The following MFSD1 variants were observed in gnomAD, a reference collection of about 807,000 sequenced individuals.
The protein encoded by MFSD1 is major facilitator superfamily domain containing 1, also known as lysosomal dipeptide transporter MFSD1.
MFSD1 carries 59 observed loss-of-function variants against 67.1 expected under a neutral mutation model. The ratio of observed to expected loss-of-function variants is 0.88; its 90% confidence interval spans 0.71 to 1.09. The LOEUF (loss-of-function observed/expected upper bound fraction) is 1.09. Among genes scored for constraint, MFSD1 ranks in the 50% least tolerant of loss-of-function variants. The probability of loss-of-function intolerance (pLI) is 0.00; values close to 1 mark genes in which losing one functional copy is unlikely to be tolerated. For missense variants in MFSD1, 552 were observed against 566.1 expected, an observed-to-expected ratio of 0.97 and a Z score of 0.25; for synonymous variants, 213 against 200.3, an observed-to-expected ratio of 1.06 and a Z score of -0.54.
intron 9 of MFSD1, 46 bp downstream of exon 9, chr3:158,820,372 G>T: frequency 7.7e-7 from 1 of 1,295,968 alleles, no homozygotes; most frequent in South Asian, 1.2e-5. Flanking sequence ...AAATTATCAT[G>T]AGAGTTCAAT....
At chr3:158,807,998 C>T (rs1000182979) in intron 5 of MFSD1, among the ~76,000 whole-genome samples, 1 of 152,148 alleles carries the variant, frequency 6.6e-6, no homozygotes, top group Admixed American at 6.5e-5. Flanking sequence ...CCCTGAGGGA[C>T]CCAGATGACA....
At position 158,819,763 on chromosome 3, in the gene MFSD1, A is replaced by G. The variant is rs1347759021; in HGVS notation, c.751+16A>G. 1 of 1,425,990 alleles carries G rather than the reference A, an allele frequency of 7.0e-7. No homozygotes were observed. Among genetic ancestry groups the G allele is most frequent in the African/African-American group, 1.4e-5 (1 of 70,328 alleles). 88.3% of individuals were successfully genotyped at this position (1,425,990 alleles called of 1,614,324 possible). A position where few individuals can be genotyped will look rare whatever the true frequency, so the allele number is the denominator to read the frequency against. On this transcript the variant is annotated intron_variant, in intron 8 of 15. Coordinates refer to ENST00000415822, the MANE Select transcript of MFSD1 (RefSeq NM_022736.4). Reference sequence around the variant, plus strand: ...GGAAAAACAGGTAAGTCTAAATGAAAGAATGGGACTTAGGGGAATTACGGC... The same window carrying G: ...GGAAAAACAGGTAAGTCTAAATGAAGGAATGGGACTTAGGGGAATTACGGC...
At chr3:158,809,915 G>A (rs1729914696) in intron 6 of MFSD1, among the ~76,000 whole-genome samples, 1 of 152,164 alleles carries the variant, frequency 6.6e-6, no homozygotes, top group Non-Finnish European at 1.5e-5. Flanking sequence ...ATGCCTCTCT[G>A]AACTTATCTC....
rs767267007 is a variant in MFSD1 at position 158,819,728 on chromosome 3, T to C, written c.732T>C (p.His244=). ...YLDQRAERIL[H]KEQGKTGEVI... ...ATCAGAGAGCAGAGAGAATCCTTCATAAAGAACAAGGAAAAACAGGTAAGT... is the reference window on the plus strand; with the variant it reads ...ATCAGAGAGCAGAGAGAATCCTTCACAAAGAACAAGGAAAAACAGGTAAGT... Residue 244 remains histidine, a synonymous_variant, in exon 8 of 16, where the codon CAT becomes CAC. Coordinates refer to ENST00000415822, the MANE Select transcript of MFSD1 (RefSeq NM_022736.4). 3.1e-6 allele frequency: 5 copies of C among 1,606,456 alleles called. No homozygotes were observed. The highest frequency in any genetic ancestry group is 3.3e-4 in the Middle Eastern group (2 of 6,032).
rs1730709578 is a variant in MFSD1 at position 158,822,087 on chromosome 3, C to CT, written c.1026dup (p.Val343CysfsTer41). The CT allele has an allele frequency of 6.2e-7, 1 of 1,613,842 alleles. No homozygotes were observed. The highest frequency in any genetic ancestry group is 8.5e-7 in the Non-Finnish European group (1 of 1,179,910). ...GGTTCTTTGCGCAGTAGCAGCCACT[C>CT]TTGTGTCCCACATGATGCTGGCCTT... On this transcript the variant is annotated frameshift_variant, in exon 11 of 16. Coordinates refer to ENST00000415822, the MANE Select transcript of MFSD1 (RefSeq NM_022736.4). LOFTEE classifies it high-confidence loss of function.
In MFSD1 at chr3:158,802,258, C is replaced by G; in HGVS notation, c.106C>G (p.Pro36Ala). 1 of 1,611,476 alleles carries G rather than the reference C, an allele frequency of 6.2e-7. No individual in the cohort carries two copies. The highest frequency in any genetic ancestry group is 8.5e-7 in the Non-Finnish European group (1 of 1,178,684). ...APGALPALCD[P>A]SRLAHRLLVL... ...TGGAGCCCTGCCGGCCCTCTGCGACCCCAGTCGCCTGGCGCACCGGCTTTT... is the reference window on the plus strand; with the variant it reads ...TGGAGCCCTGCCGGCCCTCTGCGACGCCAGTCGCCTGGCGCACCGGCTTTT... Residue 36 changes from proline to alanine, a missense_variant, in exon 1 of 16, where the codon CCC (proline) becomes GCC (alanine). Transcript: ENST00000415822.
In MFSD1 at chr3:158,802,143, T is replaced by C; in HGVS notation, c.-10T>C. 1 of 1,612,358 alleles carries C rather than the reference T, an allele frequency of 6.2e-7. No homozygotes were observed. The highest frequency in any genetic ancestry group is 8.5e-7 in the Non-Finnish European group (1 of 1,179,630). On this transcript the variant is annotated 5_prime_UTR_variant, in exon 1 of 16. Coordinates refer to ENST00000415822, the MANE Select transcript of MFSD1 (RefSeq NM_022736.4). ...TCACCACTTTCCCCTCTCCGTCTCC[T>C]GCGGGCGCAATGGAGGAGGAGGATG...
At chr3:158,803,055 C>G (rs1413411996) in intron 1 of MFSD1, among the ~76,000 whole-genome samples, 1 of 152,136 alleles carries the variant, frequency 6.6e-6, no homozygotes, top group Non-Finnish European at 1.5e-5. Context: ...CACTGTGAAG[C>G]AATCATATTG....
chr3:158,813,322 A>G (rs958878834), intron 6 of MFSD1, among the ~76,000 whole-genome samples: 1 of 151,650 alleles, frequency 6.6e-6, no homozygotes, highest in African/African-American at 2.4e-5. Flanking sequence ...TAATTTTTGT[A>G]TTTTTAGTAG....
intron 13 of MFSD1, chr3:158,825,187 T>TA (rs1383478221): frequency 1.3e-5 from 2 of 152,132 alleles, no homozygotes; most frequent in Non-Finnish European, 2.9e-5. Context: ...GAGACAGGAT[T>TA]TGTCTCTGTC....
chr3:158,814,359 C>T (rs150113723), intron 7 of MFSD1, among the ~76,000 whole-genome samples: 220 of 152,234 alleles, frequency 1.4e-3, no homozygotes, highest in African/African-American at 5.0e-3. Flanking sequence ...CTTGCTCTGT[C>T]GCTCAGGCTG....
In MFSD1 at chr3:158,826,028, T is replaced by A; in HGVS notation, c.1302T>A (p.Ser434=). Residue 434 remains serine (S), a synonymous_variant, in exon 14 of 16, where the codon TCT becomes TCA. Coordinates refer to ENST00000415822, the MANE Select transcript of MFSD1 (RefSeq NM_022736.4). ...FIACVSLSLL[S]VVLLYLVNRA... ...TTTCACTCCTAGTGTCACTTTTATC[T>A]GTGGTCTTACTCTATTTGGTGAATC... 6.2e-7 allele frequency: 1 copy of A among 1,613,494 alleles called. No individual in the cohort carries two copies. Among genetic ancestry groups the A allele is most frequent in the South Asian group, 1.1e-5 (1 of 91,068 alleles).
intron 5 of MFSD1, among the ~76,000 whole-genome samples, chr3:158,808,693 G>A (rs1484426248): frequency 2.0e-5 from 3 of 152,072 alleles, no homozygotes; most frequent in Non-Finnish European, 4.4e-5. Context: ...GGACTTTATG[G>A]GCAGGAATTC....
At chr3:158,813,926 AT>A (rs1404330273) in intron 6 of MFSD1, 38 bp from the exon 7 acceptor site, 1 of 1,440,592 alleles carries the variant, frequency 6.9e-7, no homozygotes, top group Non-Finnish European at 9.7e-7. Flanking sequence ...GATATATATG[AT>A]TTAAAATGCT....
At position 158,802,118 on chromosome 3, in the gene MFSD1, T is replaced by C; in HGVS notation, c.-35T>C. The stretch of plus-strand genomic sequence containing the variant: ...TGCTTCCTGCCTGGGTTTGGAGTTG[T>C]CACCACTTTCCCCTCTCCGTCTCCT... On this transcript the variant is annotated 5_prime_UTR_variant, in exon 1 of 16. Coordinates refer to ENST00000415822, the MANE Select transcript of MFSD1 (RefSeq NM_022736.4). 6.2e-7 allele frequency: 1 copy of C among 1,608,528 alleles called. No homozygotes were observed. The highest frequency in any genetic ancestry group is 1.7e-5 in the Admixed American group (1 of 59,606).
At chr3:158,814,874 G>C (rs1490942119) in intron 7 of MFSD1, among the ~76,000 whole-genome samples, 1 of 151,992 alleles carries the variant, frequency 6.6e-6, no homozygotes, top group Admixed American at 6.5e-5. Context: ...CCTGAGGTCG[G>C]GAGTTCTAGA....
intron 3 of MFSD1, among the ~76,000 whole-genome samples, chr3:158,806,521 C>A (rs913998095): frequency 6.6e-6 from 1 of 152,122 alleles, no homozygotes; most frequent in East Asian, 1.9e-4. Context: ...TATTCTAGGG[C>A]AACATTAATC....
At chr3:158,815,790 C>T (rs1576906471) in intron 7 of MFSD1, among the ~76,000 whole-genome samples, 3 of 151,742 alleles carry the variant, frequency 2.0e-5, no homozygotes, top group African/African-American at 7.3e-5. Context: ...TCTCCTAATG[C>T]TATCCCTCCC....
chr3:158,809,517 T>C (rs1466965261), intron 6 of MFSD1, among the ~76,000 whole-genome samples: 1 of 152,126 alleles, frequency 6.6e-6, no homozygotes, highest in African/African-American at 2.4e-5. Flanking sequence ...GTTCAAAGAA[T>C]CTGAGCATAG....
Sources: gnomAD v4.1 joint callset for allele counts (sites outside exome capture counted in the v4.1 genomes callset) on GRCh38, gnomAD v4.1.1 for gene constraint, MANE v1.5 for transcripts, NCBI Gene and HGNC (gene_info 2026-07-23, HGNC 2026-07-21) for gene names.